Variants in MACROD1 observed in about 807,000 individuals in gnomAD.
MACROD1 encodes the protein ADP-ribose glycohydrolase MACROD1.
A neutral mutation model predicts 41.4 loss-of-function variants in MACROD1; 31 were observed. That is an observed-to-expected ratio of 0.75 (90% CI 0.56 to 1.01). The LOEUF is 1.01. Ranked by LOEUF, MACROD1 falls within the 50% of genes least tolerant of loss-of-function variation. MACROD1 has a pLI of 0.00. For missense variants in MACROD1, 473 were observed against 460.0 expected (o/e 1.03, Z -0.26); for synonymous variants, 252 against 203.4 (o/e 1.24, Z -2.03).
intron 3 of MACROD1, among the ~76,000 whole-genome samples, chr11:64,077,367 G>T (rs536573736): frequency 1.3e-5 from 2 of 152,300 alleles, no homozygotes; most frequent in South Asian, 4.1e-4. Flanking sequence ...GGAATTGGGG[G>T]CCCCTGTCAC....
rs777561126 is a variant in MACROD1, at chr11:63,999,729, C to T, written c.699G>A (p.Gly233=). ...VIHTVGPIAY[G]EPSASQAAEL... is the part of the protein sequence containing the mutation. ...CGGCAGCCTGACTGGCGCTGGGCTCCCCGTAGGCGATGGGCCCCACTGTGT... is the reference window on the plus strand; with the variant it reads ...CGGCAGCCTGACTGGCGCTGGGCTCTCCGTAGGCGATGGGCCCCACTGTGT... The change falls in exon 6 of 11, where the codon GGG becomes GGA. Residue 233 remains glycine, a synonymous_variant. Transcript: ENST00000255681. The T allele has an allele frequency of 1.2e-6, 2 of 1,608,024 alleles. No individual in the cohort carries two copies. The highest frequency in any genetic ancestry group is 1.1e-5 in the South Asian group (1 of 90,584).
intron 3 of MACROD1, among the ~76,000 whole-genome samples, chr11:64,043,568 A>T (rs1462554899): frequency 6.6e-6 from 1 of 152,198 alleles, no homozygotes; most frequent in African/African-American, 2.4e-5. Flanking sequence ...GGGAAGGGCA[A>T]GAGGTCAAAT....
rs1433022590 is a variant in MACROD1, at chr11:64,067,797, G to A, written c.518-52516C>T. Among the ~76,000 whole-genome samples the A allele has an allele frequency of 6.6e-6, 1 of 152,150 alleles. No homozygotes were observed. ...AGCTGTTTGTTTTCCCTGACTGAGG[G>A]GCGGCTGTGCCACCCCCACACTCCT... On this transcript the variant is annotated intron_variant, in intron 3 of 10. Transcript: ENST00000255681. This position sits in a 1 kb window ranked among gnomAD's most constrained non-coding sequence, Gnocchi z 4.6.
At position 64,090,799 on chromosome 11, in the gene MACROD1, G is replaced by T. The variant is rs1200460311; in HGVS notation, c.517+60440C>A. On this transcript the variant is annotated intron_variant, in intron 3 of 10. Coordinates refer to ENST00000255681, the MANE Select transcript of MACROD1 (RefSeq NM_014067.4). This position sits in a 1 kb window ranked among gnomAD's most constrained non-coding sequence, Gnocchi z 4.7. Reference sequence around the variant, plus strand: ...TCTCTCCACCAGGCACTTGGGGTTTGTCTCTGGGGCTCTGCAGAAGCAGAG... The same window carrying T: ...TCTCTCCACCAGGCACTTGGGGTTTTTCTCTGGGGCTCTGCAGAAGCAGAG... Among the ~76,000 whole-genome samples, 3 of 152,064 alleles carry T rather than the reference G, an allele frequency of 2.0e-5. No homozygotes were observed. Among genetic ancestry groups the T allele is most frequent in the Non-Finnish European group, 4.4e-5 (3 of 68,002 alleles).
intron 3 of MACROD1, among the ~76,000 whole-genome samples, chr11:64,128,612 C>T (rs1945220987): frequency 6.6e-6 from 1 of 151,724 alleles, no homozygotes. Flanking sequence ...CCCTGTGTCC[C>T]CCCATCTCCC....
At chr11:64,138,112 G>A (rs1056551404) in intron 3 of MACROD1, among the ~76,000 whole-genome samples, 8 of 152,174 alleles carry the variant, frequency 5.3e-5, no homozygotes, top group African/African-American at 1.9e-4. Context: ...TCAGGGGAGA[G>A]GTGTATCCCG....
intron 3 of MACROD1, among the ~76,000 whole-genome samples, chr11:64,024,449 G>A (rs1943199134): frequency 6.6e-6 from 1 of 152,212 alleles, no homozygotes; most frequent in Non-Finnish European, 1.5e-5. Context: ...CATGCAGCTG[G>A]GGAGTGGGGA....
intron 2 of MACROD1, 138 bp from the exon 3 acceptor site, chr11:64,151,493 C>T (rs1022252099): frequency 1.6e-6 from 1 of 643,246 alleles, no homozygotes; most frequent in Non-Finnish European, 2.8e-6. Context: ...TGACTGCTGA[C>T]CCAGTACCAG....
rs1943964665 is a variant in MACROD1 at position 64,064,702 on chromosome 11, T to C, written c.518-49421A>G. Among the ~76,000 whole-genome samples, 1 of 143,808 alleles carries C rather than the reference T, an allele frequency of 7.0e-6. No individual in the cohort carries two copies. The highest frequency in any genetic ancestry group is 1.5e-5 in the Non-Finnish European group (1 of 64,784). The allele number at this position is 143,808 out of a possible 152,430, so 94.3% of individuals were successfully genotyped here. A position where few individuals can be genotyped will look rare whatever the true frequency, so the allele number is the denominator to read the frequency against. On this transcript the variant is annotated intron_variant, in intron 3 of 10. Transcript: ENST00000255681. The surrounding 1 kb of genome is among the most constrained non-coding windows in gnomAD (Gnocchi z 4.5). ...GAGATAGAAGGAGGGGGGCCCTCCC[T>C]GAGTTCTCCTCTCCCCTCCCTGCCA...
At chr11:64,034,239 C>G (rs545414499) in intron 3 of MACROD1, among the ~76,000 whole-genome samples, 4 of 152,172 alleles carry the variant, frequency 2.6e-5, no homozygotes, top group African/African-American at 7.2e-5. Flanking sequence ...TCTGGGAAGG[C>G]GGGACGGAAA....
chr11:64,038,165 G>C (rs1943418477), intron 3 of MACROD1, among the ~76,000 whole-genome samples: 1 of 152,200 alleles, frequency 6.6e-6, no homozygotes, highest in South Asian at 2.1e-4. Context: ...TTCTAAGGAG[G>C]TGATGGGGAG....
chr11:64,041,302 A>G (rs1943482524), intron 3 of MACROD1, among the ~76,000 whole-genome samples: 1 of 150,888 alleles, frequency 6.6e-6, no homozygotes, highest in South Asian at 2.1e-4. Flanking sequence ...TTATCTCCAG[A>G]AGCAAATTGC....
In MACROD1 at chr11:64,154,059, G is replaced by C. The variant is rs79097069; in HGVS notation, c.299-1666C>G. ...TCAAGGTCACCACACCCCATGCAGC[G>C]GCCCCTCCTGCCTTCCCTGTGGACA... On this transcript the variant is annotated intron_variant, in intron 1 of 10. Transcript: ENST00000255681. 7.4e-3 allele frequency among the ~76,000 whole-genome samples: 1,129 copies of C among 152,156 alleles called. 15 individuals carry two copies. The highest frequency in any genetic ancestry group is 0.026 in the African/African-American group (1,083 of 41,492).
chr11:64,080,138 G>A (rs1048013006), intron 3 of MACROD1, among the ~76,000 whole-genome samples: 4 of 152,056 alleles, frequency 2.6e-5, no homozygotes, highest in South Asian at 2.1e-4. Context: ...TCAGCCTCCC[G>A]AGTAGCGGGG....
chr11:64,052,686 G>A (rs1365635157), intron 3 of MACROD1, among the ~76,000 whole-genome samples: 1 of 152,234 alleles, frequency 6.6e-6, no homozygotes, highest in African/African-American at 2.4e-5. Flanking sequence ...TTTTGCAAAT[G>A]AGGAAATGGC....
At chr11:64,002,018 A>T (rs1942834313) in intron 4 of MACROD1, among the ~76,000 whole-genome samples, 1 of 152,198 alleles carries the variant, frequency 6.6e-6, no homozygotes, top group African/African-American at 2.4e-5. Context: ...CTAACTTTGT[A>T]ATGTGCTTAA....
At position 64,117,544 on chromosome 11, in the gene MACROD1, T is replaced by C. The variant is rs770341979; in HGVS notation, c.517+33695A>G. 6.2e-5 allele frequency: 99 copies of C among 1,603,680 alleles called. No homozygotes were observed. Among genetic ancestry groups the C allele is most frequent in the Middle Eastern group, 1.7e-4 (1 of 6,030 alleles). On this transcript the variant is annotated intron_variant, in intron 3 of 10. Coordinates refer to ENST00000255681, the MANE Select transcript of MACROD1 (RefSeq NM_014067.4). ...GGGCTGCGCCTCCCCGACTCCAACA[T>C]TGACTACCCCATGGCCACGGGTGAT...
chr11:64,061,021 A>G (rs1230560145), intron 3 of MACROD1, among the ~76,000 whole-genome samples: 2 of 151,876 alleles, frequency 1.3e-5, no homozygotes, highest in African/African-American at 4.8e-5. Flanking sequence ...GGCATCCTCA[A>G]CCGCGGCCTC....
At chr11:64,075,045 G>A (rs1036099232) in intron 3 of MACROD1, among the ~76,000 whole-genome samples, 5 of 152,374 alleles carry the variant, frequency 3.3e-5, no homozygotes, top group African/African-American at 1.2e-4. Flanking sequence ...ACCTGTGTGC[G>A]GACAGGGGGT....
Sources: gnomAD v4.1 joint callset for allele counts (sites outside exome capture counted in the v4.1 genomes callset) on GRCh38, gnomAD v4.1.1 for gene constraint, Gnocchi (gnomAD v3.1) non-coding constraint, MANE v1.5 for transcripts, NCBI Gene and HGNC (gene_info 2026-07-23, HGNC 2026-07-21) for gene names.